The following CAMK2B variants were observed in gnomAD, a reference collection of about 807,000 sequenced individuals.
The protein encoded by CAMK2B is calcium/calmodulin dependent protein kinase II beta.
In CAMK2B, 27 loss-of-function variants were observed where a neutral mutation model predicts 93.7. The observed-to-expected ratio is 0.29, with a 90% CI of 0.21 to 0.40. CAMK2B has a LOEUF of 0.40. Ranked by LOEUF, CAMK2B falls within the 10% of genes least tolerant of loss-of-function variation. CAMK2B has a pLI of 1.00. For synonymous variants in CAMK2B, 374 were observed against 358.8 expected (o/e 1.04, Z -0.48); for missense variants, 568 against 895.8 (o/e 0.63, Z 4.67).
intron 6 of CAMK2B, among the ~76,000 whole-genome samples, chr7:44,244,523 G>A (rs1178626620): frequency 6.6e-6 from 1 of 151,990 alleles, no homozygotes; most frequent in Non-Finnish European, 1.5e-5. Context: ...AGCCTCCCAG[G>A]CCACCCCTTT....
At chr7:44,308,257 ACT>A (rs1322405508) in intron 1 of CAMK2B, among the ~76,000 whole-genome samples, 6 of 152,128 alleles carry the variant, frequency 3.9e-5, no homozygotes, top group Non-Finnish European at 2.9e-5. Context: ...TGCCATCCTG[ACT>A]CTCACCTGAG....
chr7:44,291,025 C>T (rs1453177601), intron 1 of CAMK2B, among the ~76,000 whole-genome samples: 5 of 152,178 alleles, frequency 3.3e-5, no homozygotes, highest in Non-Finnish European at 7.3e-5. Context: ...GAGGAGGTGT[C>T]TTCTTACACA....
chr7:44,259,366 C>T (rs2096860724), intron 3 of CAMK2B: 1 of 184,430 alleles, frequency 5.4e-6, no homozygotes, highest in African/African-American at 2.3e-5. Flanking sequence ...GGGACAAAAA[C>T]CACTCATTAT....
chr7:44,220,188 G>A lies in CAMK2B; in HGVS notation c.1875C>T (p.Tyr625=). Residue 625 remains tyrosine (Y), a synonymous_variant, in exon 23 of 24, where the codon TAC becomes TAT. Coordinates refer to ENST00000395749, the MANE Select transcript of CAMK2B (RefSeq NM_001220.5). The part of the protein sequence containing the change: ...ACIAYIRLTQ[Y]IDGQGRPRTS... ...TGCGGGGCCGGCCCTGCCCGTCAAT[G>A]TACTGCGTGAGCCGGATGTAAGCGA... 3 of 1,613,092 alleles carry A rather than the reference G, an allele frequency of 1.9e-6. No homozygotes were observed. Among genetic ancestry groups the A allele is most frequent in the Non-Finnish European group, 2.5e-6 (3 of 1,180,018 alleles).
rs999071098 is a variant in CAMK2B, at chr7:44,228,482, G to A, written c.1468+314C>T. ...AGCAGAGAGGGCCTAGGGGCATGGG[G>A]GGCCTCGGAGGGGCCAGGGCTGCCC... On this transcript the variant is annotated intron_variant, in intron 19 of 23. Transcript: ENST00000395749. 4.6e-5 allele frequency among the ~76,000 whole-genome samples: 7 copies of A among 152,136 alleles called. No homozygotes were observed. The East Asian group carries it at 7.7e-4, about 17-fold the overall frequency.
In CAMK2B at chr7:44,240,129, G is replaced by A. The variant is rs111267806; in HGVS notation, c.947-466C>T. On this transcript the variant is annotated intron_variant, in intron 12 of 23. Transcript: ENST00000395749. The stretch of plus-strand genomic sequence containing the variant: ...ACAGCTTGTCCAGACCTGGGCTGCC[G>A]GCTCCACTCCGGGGCTAACATCATG... Among the ~76,000 whole-genome samples, 1,257 of 131,846 alleles carry A rather than the reference G, an allele frequency of 9.5e-3. 5 individuals are homozygous for A. The highest frequency in any genetic ancestry group is 0.026 in the South Asian group (96 of 3,696). The allele number at this position is 131,846 out of a possible 152,430, so 86.5% of individuals were successfully genotyped here. A position where few individuals can be genotyped will look rare whatever the true frequency, so the allele number is the denominator to read the frequency against.
chr7:44,276,368 C>A (rs573489166), intron 2 of CAMK2B, among the ~76,000 whole-genome samples: 2 of 152,180 alleles, frequency 1.3e-5, no homozygotes, highest in Non-Finnish European at 2.9e-5. Context: ...CTGTGGATTG[C>A]GCGGGAGCCA....
chr7:44,246,445 A>C (rs1047965429), intron 6 of CAMK2B, among the ~76,000 whole-genome samples: 1 of 151,806 alleles, frequency 6.6e-6, no homozygotes, highest in Non-Finnish European at 1.5e-5. Context: ...CCACACAGAC[A>C]CACACACACA....
intron 13 of CAMK2B, among the ~76,000 whole-genome samples, chr7:44,238,971 G>A (rs988301788): frequency 6.6e-5 from 10 of 152,200 alleles, no homozygotes; most frequent in African/African-American, 1.9e-4. Context: ...GGCCAGTGCC[G>A]GCCTTTTCCC....
chr7:44,253,922 A>ACC (rs2096806168), intron 5 of CAMK2B, among the ~76,000 whole-genome samples: 1 of 127,418 alleles, frequency 7.8e-6, no homozygotes, highest in East Asian at 2.2e-4. Flanking sequence ...TTTTTTTTTT[A>ACC]AATACACATC....
rs1198673884 is a variant in CAMK2B at position 44,253,201 on chromosome 7, G to GT, written c.341+1340dup. The stretch of plus-strand genomic sequence containing the variant: ...GTAATACATACTCATTTTAAAAAGA[G>GT]TTTTTTTTTTTTGGTTTTTTTTTTT... On this transcript the variant is annotated intron_variant, in intron 5 of 23. Coordinates refer to ENST00000395749, the MANE Select transcript of CAMK2B (RefSeq NM_001220.5). Among the ~76,000 whole-genome samples the GT allele has an allele frequency of 6.6e-3, 942 of 143,408 alleles. 7 individuals are homozygous for GT. Among genetic ancestry groups the GT allele is most frequent in the African/African-American group, 0.017 (684 of 39,230 alleles). The allele number at this position is 143,408 out of a possible 152,430, so 94.1% of individuals were successfully genotyped here.
intron 13 of CAMK2B, among the ~76,000 whole-genome samples, chr7:44,237,807 G>T (rs986727203): frequency 2.0e-5 from 3 of 152,198 alleles, no homozygotes; most frequent in Non-Finnish European, 4.4e-5. Context: ...GGTTCTGCAG[G>T]CCTCTGTGGG....
rs189612251 is a variant in CAMK2B, at chr7:44,325,205, G to A, written c.65+152C>T. On this transcript the variant is annotated intron_variant, in intron 1 of 23. Coordinates refer to ENST00000395749, the MANE Select transcript of CAMK2B (RefSeq NM_001220.5). ...CCCGGGGCCGGGGGCTCGCGGGTCG[G>A]GGCCGCGCGGGGCCGTGCGCTTGGG... 8.6e-3 allele frequency: 2,134 copies of A among 247,866 alleles called. 10 individuals carry two copies. Among genetic ancestry groups the A allele is most frequent in the Non-Finnish European group, 0.012 (1,848 of 157,936 alleles). 15.4% of individuals were successfully genotyped at this position (247,866 alleles called of 1,614,324 possible). A position where few individuals can be genotyped will look rare whatever the true frequency, so the allele number is the denominator to read the frequency against.
intron 17 of CAMK2B, among the ~76,000 whole-genome samples, chr7:44,230,638 C>T (rs559521406): frequency 6.6e-6 from 1 of 152,230 alleles, no homozygotes; most frequent in Non-Finnish European, 1.5e-5. Context: ...GCATGCTGGA[C>T]AGAAACGCAA....
chr7:44,246,443 A>G (rs928330559), intron 6 of CAMK2B, among the ~76,000 whole-genome samples: 1 of 151,680 alleles, frequency 6.6e-6, no homozygotes, highest in Non-Finnish European at 1.5e-5. Flanking sequence ...GCCCACACAG[A>G]CACACACACA....
intron 1 of CAMK2B, among the ~76,000 whole-genome samples, chr7:44,289,561 G>A (rs1786151693): frequency 6.6e-6 from 1 of 152,190 alleles, no homozygotes. Flanking sequence ...GTGTGGTCAC[G>A]CAGACCTTGC....
At chr7:44,220,800 GCC>G (rs540923791) in intron 21 of CAMK2B, 24 bp downstream of exon 21, 3 of 1,513,402 alleles carry the variant, frequency 2.0e-6, no homozygotes, top group African/African-American at 2.8e-5. Flanking sequence ...GTCCTGCACA[GCC>G]CCCCCCCAGC....
chr7:44,307,821 T>G (rs1177454448), intron 1 of CAMK2B, among the ~76,000 whole-genome samples: 1 of 152,136 alleles, frequency 6.6e-6, no homozygotes, highest in East Asian at 1.9e-4. Flanking sequence ...TTTCATTTAT[T>G]TTTCTGTGAG....
chr7:44,262,620 G>T (rs2129038095), intron 3 of CAMK2B, among the ~76,000 whole-genome samples: 1 of 152,346 alleles, frequency 6.6e-6, no homozygotes, highest in Middle Eastern at 3.4e-3. Flanking sequence ...AGTTATGGGG[G>T]TCACATGCTG....
Sources: gnomAD v4.1 joint callset for allele counts (sites outside exome capture counted in the v4.1 genomes callset) on GRCh38, gnomAD v4.1.1 for gene constraint, MANE v1.5 for transcripts, NCBI Gene and HGNC (gene_info 2026-07-23, HGNC 2026-07-21) for gene names.